Variants in PID1 observed in about 807,000 individuals in gnomAD.
PID1 encodes phosphotyrosine interaction domain containing 1.
PID1 carries 10 observed loss-of-function variants against 19.1 expected under a neutral mutation model. That is an observed-to-expected ratio of 0.52 (90% CI 0.32 to 0.89). The LOEUF (loss-of-function observed/expected upper bound fraction) is 0.89. Among genes scored for constraint, PID1 ranks in the 40% least tolerant of loss-of-function variants. The pLI, the probability that PID1 is intolerant of heterozygous loss-of-function variation, is 0.03. For missense variants in PID1, 248 were observed against 285.3 expected (o/e 0.87, Z 0.94); for synonymous variants, 130 against 116.0 (o/e 1.12, Z -0.78).
At chr2:229,179,804 T>C (rs1690900700) in intron 1 of PID1, among the ~76,000 whole-genome samples, 1 of 152,150 alleles carries the variant, frequency 6.6e-6, no homozygotes, top group Admixed American at 6.5e-5. Context: ...TGCGTGTAGG[T>C]CATTTGTTTG....
At chr2:229,163,020 T>C (rs1690520806) in intron 1 of PID1, among the ~76,000 whole-genome samples, 1 of 152,200 alleles carries the variant, frequency 6.6e-6, no homozygotes. Flanking sequence ...AAAGTAATGA[T>C]ATGAAAGAAG....
chr2:229,130,975 C>A (rs376250120), intron 2 of PID1, among the ~76,000 whole-genome samples: 3 of 152,082 alleles, frequency 2.0e-5, no homozygotes, highest in Non-Finnish European at 2.9e-5. Flanking sequence ...CCTGGGTGCA[C>A]GCCTGTGCCC....
chr2:229,166,281 G>GATCAGT (rs1690595188), intron 1 of PID1, among the ~76,000 whole-genome samples: 1 of 151,940 alleles, frequency 6.6e-6, no homozygotes, highest in Admixed American at 6.5e-5. Flanking sequence ...TGACTGAGAG[G>GATCAGT]AGATCAGTTG....
intron 1 of PID1, among the ~76,000 whole-genome samples, chr2:229,242,047 G>GTTTTTGTTTTTC (rs1419490319): frequency 6.7e-6 from 1 of 149,720 alleles, no homozygotes; most frequent in African/African-American, 2.4e-5. Context: ...TTTTGTTTTT[G>GTTTTTGTTTTTC]AGATGGGATC....
chr2:229,270,910 T>C lies in PID1; in HGVS notation c.30+104A>G, dbSNP rs1690719409. On this transcript the variant is annotated intron_variant, in intron 1 of 2. Transcript: ENST00000392055. ...GTTGCCATCGATGCGTCTTACAAGA[T>C]GGTTTTGGGCAAATCCCCTAAAGTA... The C allele has an allele frequency of 4.9e-6, 5 of 1,012,886 alleles. No individual in the cohort carries two copies. The East Asian group carries it at 1.2e-4, about 25-fold the overall frequency. 62.7% of individuals were successfully genotyped at this position (1,012,886 alleles called of 1,614,324 possible). A position where few individuals can be genotyped will look rare whatever the true frequency, so the allele number is the denominator to read the frequency against.
rs547882694 is a variant in PID1 at position 229,129,410 on chromosome 2, T to C, written c.177+26408A>G. Among the ~76,000 whole-genome samples the C allele has an allele frequency of 5.1e-5, 6 of 117,936 alleles. No homozygotes were observed. In the South Asian group the frequency reaches 1.6e-3, roughly 31 times the overall value. The allele number at this position is 117,936 out of a possible 152,430, so 77.4% of individuals were successfully genotyped here. On this transcript the variant is annotated intron_variant, in intron 2 of 2. Transcript: ENST00000392055. The stretch of plus-strand genomic sequence containing the variant: ...GCCTGGGCAACAGAGCAAGACTCCA[T>C]CTCAAAAAAAAAAAAAAAAAGAGAG...
intron 1 of PID1, among the ~76,000 whole-genome samples, chr2:229,217,460 A>T (rs1010806745): frequency 6.6e-6 from 1 of 152,220 alleles, no homozygotes; most frequent in Non-Finnish European, 1.5e-5. Context: ...AAGATTCATT[A>T]ATCTCACTTG....
intron 2 of PID1, among the ~76,000 whole-genome samples, chr2:229,075,568 A>G (rs146525981): frequency 6.6e-6 from 1 of 152,350 alleles, no homozygotes; most frequent in East Asian, 1.9e-4. Context: ...GACTTGAATC[A>G]TGTTTGCAAT....
At chr2:229,096,096 T>C (rs1057159601) in intron 2 of PID1, among the ~76,000 whole-genome samples, 1 of 152,174 alleles carries the variant, frequency 6.6e-6, no homozygotes, top group African/African-American at 2.4e-5. Flanking sequence ...TAATTTTGTC[T>C]ACAAGCAAAA....
Position 229,030,012 on chromosome 2 carries a change from T to C in PID1, c.178-3904A>G, listed in dbSNP as rs188592455. Reference sequence around the variant, plus strand: ...TAGAAGAAATCCAAGTGTCCGTTGATAGATGAATGAATAAACAAAATACAG... The same window carrying C: ...TAGAAGAAATCCAAGTGTCCGTTGACAGATGAATGAATAAACAAAATACAG... On this transcript the variant is annotated intron_variant, in intron 2 of 2. Coordinates refer to ENST00000392055, the MANE Select transcript of PID1 (RefSeq NM_001100818.2). Among the ~76,000 whole-genome samples, 726 of 152,284 alleles carry C rather than the reference T, an allele frequency of 4.8e-3. 4 individuals carry two copies. Among genetic ancestry groups the C allele is most frequent in the Non-Finnish European group, 7.5e-3 (509 of 68,030 alleles).
chr2:229,026,126 G>A lies in PID1; in HGVS notation c.178-18C>T. 6.4e-7 allele frequency: 1 copy of A among 1,554,814 alleles called. No homozygotes were observed. Among genetic ancestry groups the A allele is most frequent in the East Asian group, 2.2e-5 (1 of 44,556 alleles). ...TAGGTAACCTGCAGATGCAAGAGAG[G>A]AAGAAAAGGGAGGCATCAGCAGAAG... On this transcript the variant is annotated intron_variant, in intron 2 of 2. Transcript: ENST00000392055.
intron 1 of PID1, among the ~76,000 whole-genome samples, chr2:229,191,011 G>A (rs1487349859): frequency 1.3e-5 from 2 of 152,052 alleles, no homozygotes; most frequent in Non-Finnish European, 2.9e-5. Flanking sequence ...ATGTTACTAG[G>A]GAAAAAATGT....
chr2:229,217,640 T>C (rs547949694), intron 1 of PID1, among the ~76,000 whole-genome samples: 5 of 152,270 alleles, frequency 3.3e-5, no homozygotes, highest in Admixed American at 1.3e-4. Flanking sequence ...ACTAGTCCTA[T>C]AAAGAAGGTC....
At chr2:229,033,596 G>A (rs1559202549) in intron 2 of PID1, among the ~76,000 whole-genome samples, 1 of 152,082 alleles carries the variant, frequency 6.6e-6, no homozygotes, top group African/African-American at 2.4e-5. Flanking sequence ...GGGTTGATGG[G>A]TGCAGCAAAC....
rs1162600515 is a variant in PID1, at chr2:229,028,300, A to G, written c.178-2192T>C. Among the ~76,000 whole-genome samples, 3 of 152,340 alleles carry G rather than the reference A, an allele frequency of 2.0e-5. No individual in the cohort carries two copies. In the East Asian group the frequency reaches 5.8e-4, roughly 29 times the overall value. On this transcript the variant is annotated intron_variant, in intron 2 of 2. Transcript: ENST00000392055. ...TATATACCTTATACACATAGCCATT[A>G]GTTTTACCCAATATTTTTAATCACT...
Position 229,108,985 on chromosome 2 carries a change from A to G in PID1, c.177+46833T>C, listed in dbSNP as rs763913094. 1.1e-3 allele frequency among the ~76,000 whole-genome samples: 167 copies of G among 152,242 alleles called. 4 individuals are homozygous for G. Among genetic ancestry groups the G allele is most frequent in the Non-Finnish European group, 3.2e-4 (22 of 68,044 alleles). ...AAATGCATTCTATGAATTAGATTTTATGATGACAAGGTACAGATCAGAGGA... is the reference window on the plus strand; with the variant it reads ...AAATGCATTCTATGAATTAGATTTTGTGATGACAAGGTACAGATCAGAGGA... On this transcript the variant is annotated intron_variant, in intron 2 of 2. Transcript: ENST00000392055.
At chr2:229,195,573 C>A (rs996323161) in intron 1 of PID1, among the ~76,000 whole-genome samples, 10 of 151,870 alleles carry the variant, frequency 6.6e-5, no homozygotes, top group African/African-American at 2.4e-4. Flanking sequence ...AGATACTGTA[C>A]ACAATCTTCC....
At chr2:229,132,065 G>T (rs1354296101) in intron 2 of PID1, among the ~76,000 whole-genome samples, 1 of 152,176 alleles carries the variant, frequency 6.6e-6, no homozygotes, top group African/African-American at 2.4e-5. Context: ...AGGGACTCCA[G>T]ATGATGGCAC....
rs577033663 is a variant in PID1 at position 229,156,884 on chromosome 2, C to A, written c.31-920G>T. 7.2e-5 allele frequency among the ~76,000 whole-genome samples: 11 copies of A among 152,292 alleles called. No homozygotes were observed. In the South Asian group the frequency reaches 1.7e-3, roughly 23 times the overall value. ...TCATGTAGGGGTCCAGGCACAGTGT[C>A]CTCCTTACTATTCTGAGAATAAACC... On this transcript the variant is annotated intron_variant, in intron 1 of 2. Coordinates refer to ENST00000392055, the MANE Select transcript of PID1 (RefSeq NM_001100818.2).
Sources: gnomAD v4.1 joint callset for allele counts (sites outside exome capture counted in the v4.1 genomes callset) on GRCh38, gnomAD v4.1.1 for gene constraint, MANE v1.5 for transcripts, NCBI Gene and HGNC (gene_info 2026-07-23, HGNC 2026-07-21) for gene names.